Variants in LRRC39 observed in about 807,000 individuals in gnomAD.
The protein encoded by LRRC39 is leucine-rich repeat-containing protein 39.
Under a neutral mutation model 39.7 loss-of-function variants are expected in LRRC39, and 35 were observed. The ratio of observed to expected loss-of-function variants is 0.88; its 90% CI spans 0.67 to 1.17. The LOEUF (loss-of-function observed/expected upper bound fraction) is 1.17. LRRC39 is among the 50% of genes most tolerant of loss of function. LRRC39 has a pLI of 0.00. For synonymous variants in LRRC39, 113 were observed against 134.1 expected, an observed-to-expected ratio of 0.84 and a Z score of 1.09; for missense variants, 357 against 385.8, an observed-to-expected ratio of 0.93 and a Z score of 0.62.
At chr1:100,153,136 C>T (rs1658180829) in intron 8 of LRRC39, among the ~76,000 whole-genome samples, 1 of 151,944 alleles carries the variant, frequency 6.6e-6, no homozygotes. Context: ...TATATACCTC[C>T]ATCTTACTTA....
At chr1:100,161,828 G>A (rs1658899878) in intron 3 of LRRC39, among the ~76,000 whole-genome samples, 1 of 152,064 alleles carries the variant, frequency 6.6e-6, no homozygotes, top group African/African-American at 2.4e-5. Context: ...TGTATTGTTT[G>A]TGGAGACAGG....
intron 2 of LRRC39, among the ~76,000 whole-genome samples, chr1:100,171,052 A>C (rs1006506688): frequency 6.6e-5 from 10 of 152,230 alleles, no homozygotes; most frequent in African/African-American, 2.2e-4. Flanking sequence ...AATATAAAAC[A>C]ACTTTAAACT....
chr1:100,167,397 C>T (rs1365195880), intron 3 of LRRC39, among the ~76,000 whole-genome samples: 1 of 152,118 alleles, frequency 6.6e-6, no homozygotes, highest in East Asian at 1.9e-4. Flanking sequence ...GCCTCACTTC[C>T]CTATCGCCTA....
At position 100,149,294 on chromosome 1, in the gene LRRC39, T is replaced by C. The variant is rs550300589; in HGVS notation, c.953-197A>G. The C allele has an allele frequency of 1.1e-5, 17 of 1,532,508 alleles. No individual in the cohort carries two copies. In the East Asian group the frequency reaches 3.2e-4, roughly 29 times the overall value. 94.9% of individuals were successfully genotyped at this position (1,532,508 alleles called of 1,614,324 possible). ...TTCCCTACAGATCTGGAAAGCACAATTGTGATTTTCTCAAATGCAGACAAT... is the reference window on the plus strand; with the variant it reads ...TTCCCTACAGATCTGGAAAGCACAACTGTGATTTTCTCAAATGCAGACAAT... On this transcript the variant is annotated intron_variant, in intron 9 of 9. Transcript: ENST00000370137.
chr1:100,168,172 A>C, intron 3 of LRRC39, among the ~76,000 whole-genome samples: 1 of 152,182 alleles, frequency 6.6e-6, no homozygotes, highest in South Asian at 2.1e-4. Flanking sequence ...AATGTTAAAC[A>C]GAGTCCTATG....
At chr1:100,159,471 G>A (rs1325875887) in intron 4 of LRRC39, 56 bp from the exon 5 acceptor site, 103 of 1,335,452 alleles carry the variant, frequency 7.7e-5, no homozygotes, top group Non-Finnish European at 1.0e-4. Context: ...TTAGTATCAC[G>A]CCACCCTGAA....
intron 3 of LRRC39, among the ~76,000 whole-genome samples, chr1:100,161,854 C>T (rs1653370664): frequency 6.6e-6 from 1 of 152,098 alleles, no homozygotes; most frequent in African/African-American, 2.4e-5. Flanking sequence ...GCCATGTTGC[C>T]CAGGCTGGTC....
intron 2 of LRRC39, among the ~76,000 whole-genome samples, chr1:100,171,061 C>T (rs1321216379): frequency 6.6e-6 from 1 of 152,146 alleles, no homozygotes; most frequent in Non-Finnish European, 1.5e-5. Flanking sequence ...CAACTTTAAA[C>T]TACATGCCTC....
At chr1:100,158,421 G>T in intron 5 of LRRC39, 54 bp from the exon 6 acceptor site, 1 of 1,506,408 alleles carries the variant, frequency 6.6e-7, no homozygotes, top group Non-Finnish European at 9.1e-7. Flanking sequence ...AATCTTTATA[G>T]TTATTAAGGT....
rs750211900 is a variant in LRRC39, at chr1:100,158,218, A to C, written c.513+13T>G. The C allele has an allele frequency of 6.2e-6, 10 of 1,612,530 alleles. No homozygotes were observed. On this transcript the variant is annotated intron_variant, in intron 6 of 9. Coordinates refer to ENST00000370137, the MANE Select transcript of LRRC39 (RefSeq NM_144620.4). ...ATGGAAAATACAATCATAGGCATTT[A>C]TGTCTTTCTAACCTCTTGTGGAAGA... is the stretch of plus-strand genomic sequence containing the variant.
chr1:100,157,816 A>C (rs771266883), intron 6 of LRRC39, among the ~76,000 whole-genome samples: 3 of 152,248 alleles, frequency 2.0e-5, no homozygotes. Context: ...TGGTTTGACC[A>C]ATAACAAGAC....
intron 3 of LRRC39, among the ~76,000 whole-genome samples, chr1:100,167,791 A>AATAATG (rs1228754837): frequency 8.5e-6 from 1 of 117,088 alleles, no homozygotes; most frequent in East Asian, 2.0e-4. Flanking sequence ...TAATAATAAT[A>AATAATG]ATAATAATAA....
rs752332806 is a variant in LRRC39, at chr1:100,149,000, T to TTCACCAAA, written c.*34_*41dup. The stretch of plus-strand genomic sequence containing the variant: ...CTTCAGAAATCCAAACATTAGAGAA[T>TTCACCAAA]TCACCAAAGTAATCCTCTTTAGAAG... On this transcript the variant is annotated 3_prime_UTR_variant, in exon 10 of 10. Transcript: ENST00000370137. 1 of 1,475,994 alleles carries TTCACCAAA rather than the reference T, an allele frequency of 6.8e-7. No individual in the cohort carries two copies. The highest frequency in any genetic ancestry group is 2.5e-5 in the East Asian group (1 of 40,718). The allele number at this position is 1,475,994 out of a possible 1,614,324, so 91.4% of individuals were successfully genotyped here.
At chr1:100,154,934 G>A (rs754599807) in intron 8 of LRRC39, 117 bp downstream of exon 8, 22 of 895,552 alleles carry the variant, frequency 2.5e-5, no homozygotes, top group Non-Finnish European at 3.4e-5. Context: ...AGATTTTTAA[G>A]ATATCCATTC....
Position 100,163,486 on chromosome 1 carries a change from C to A in LRRC39, c.114-2915G>T, listed in dbSNP as rs571855825. ...GATTTATTAATTTGGTTACCTTGAG[C>A]AAGACATCCCCCATCTGTGGGCCTT... On this transcript the variant is annotated intron_variant, in intron 3 of 9. Transcript: ENST00000370137. Among the ~76,000 whole-genome samples the A allele has an allele frequency of 9.9e-5, 15 of 151,748 alleles. 1 individual carries two copies. In the Middle Eastern group the frequency reaches 0.01, roughly 103 times the overall value.
At position 100,168,391 on chromosome 1, in the gene LRRC39, T is replaced by C; in HGVS notation, c.113+13A>G. ...TTTCACTAATTCAAAATAATAAATA[T>C]GTTTTAGCATACTTGTGTTGAAATT... On this transcript the variant is annotated intron_variant, in intron 3 of 9. Transcript: ENST00000370137. 6.4e-7 allele frequency: 1 copy of C among 1,554,750 alleles called. No homozygotes were observed.
chr1:100,163,594 C>CG (rs1433030077), intron 3 of LRRC39, among the ~76,000 whole-genome samples: 2 of 133,382 alleles, frequency 1.5e-5, no homozygotes, highest in Non-Finnish European at 3.2e-5. Context: ...ACAGCTTTTT[C>CG]TAAAAAAAAA....
At chr1:100,159,868 AT>A (rs1327880719) in intron 4 of LRRC39, among the ~76,000 whole-genome samples, 2 of 152,150 alleles carry the variant, frequency 1.3e-5, no homozygotes, top group African/African-American at 4.8e-5. Flanking sequence ...TAATTTGAGA[AT>A]TTTAAGAGTT....
intron 7 of LRRC39, among the ~76,000 whole-genome samples, chr1:100,155,492 G>A (rs1658394596): frequency 6.6e-6 from 1 of 152,176 alleles, no homozygotes; most frequent in Non-Finnish European, 1.5e-5. Flanking sequence ...GGTTATTAGA[G>A]AAACCACATC....
Sources: gnomAD v4.1 joint callset for allele counts (sites outside exome capture counted in the v4.1 genomes callset) on GRCh38, gnomAD v4.1.1 for gene constraint, MANE v1.5 for transcripts, NCBI Gene and HGNC (gene_info 2026-07-23, HGNC 2026-07-21) for gene names.